The following MICU3 variants were observed in gnomAD, a reference collection of about 807,000 sequenced individuals.
MICU3 encodes mitochondrial calcium uptake 3.
MICU3 carries 62 observed loss-of-function variants against 66.5 expected under a neutral mutation model. The observed-to-expected ratio is 0.93, with a 90% CI of 0.76 to 1.15. MICU3 has a LOEUF of 1.15. Among genes scored for constraint, MICU3 ranks in the 50% most tolerant of loss-of-function variants. The pLI is 0.00. For synonymous variants in MICU3, 308 were observed against 240.7 expected (o/e 1.28, Z -2.59); for missense variants, 779 against 664.4 (o/e 1.17, Z -1.90).
chr8:17,099,003 G>A (rs1460403757), intron 9 of MICU3, among the ~76,000 whole-genome samples: 2 of 151,608 alleles, frequency 1.3e-5, no homozygotes, highest in African/African-American at 4.8e-5. Flanking sequence ...AGTCAAGGAA[G>A]GGAGGAATAT....
rs76581847 is a variant in MICU3 at position 17,089,751 on chromosome 8, A to G, written c.850-795A>G. Among the ~76,000 whole-genome samples, 480 of 152,108 alleles carry G rather than the reference A, an allele frequency of 3.2e-3. 25 individuals are homozygous for G. In the South Asian group the frequency reaches 0.047, roughly 15 times the overall value. ...GGAGTAATGACCACATGTGATTGGT[A>G]TGGAGGTTAAAGCACATAGCTACTT... On this transcript the variant is annotated intron_variant, in intron 7 of 14. Coordinates refer to ENST00000318063, the MANE Select transcript of MICU3 (RefSeq NM_181723.3).
Position 17,118,766 on chromosome 8 carries a change from C to T in MICU3, c.1584C>T (p.His528=). 1.2e-6 allele frequency: 2 copies of T among 1,607,050 alleles called. No homozygotes were observed. Among genetic ancestry groups the T allele is most frequent in the Non-Finnish European group, 8.5e-7 (1 of 1,173,994 alleles). The change falls in exon 14 of 15, where the codon CAC becomes CAT. Residue 528 remains histidine (H), a synonymous_variant. Transcript: ENST00000318063. The stretch of plus-strand genomic sequence containing the variant: ...AATCCTGCCTGAAGAAAGAACTTCA[C>T]AGCAGATAAGTATGTTAGCTTCTAT... ...TFKSCLKKEL[H]SR is the part of the protein sequence containing the mutation.
downstream of MICU3, among the ~76,000 whole-genome samples, chr8:17,124,945 C>T (rs183055962): frequency 6.6e-6 from 1 of 151,956 alleles, no homozygotes; most frequent in Admixed American, 6.6e-5. Flanking sequence ...AATTAATGTA[C>T]CTTGATAAAA....
At chr8:17,110,307 T>A (rs879912655) in intron 11 of MICU3, among the ~76,000 whole-genome samples, 10 of 152,166 alleles carry the variant, frequency 6.6e-5, no homozygotes, top group Non-Finnish European at 1.5e-4. Context: ...ACTGAATAAT[T>A]CAGTGAGATT....
At chr8:17,137,523 A>T in the MICU3 span, among the ~76,000 whole-genome samples, 1,264 of 68,644 alleles carry the variant, frequency 0.018, 6 homozygotes, top group Middle Eastern at 0.03. Context: ...CTTTTTTTTA[A>T]AAAAAAAAAA....
At chr8:17,114,578 G>C (rs1662420660) in intron 12 of MICU3, among the ~76,000 whole-genome samples, 1 of 152,164 alleles carries the variant, frequency 6.6e-6, no homozygotes, top group Admixed American at 6.5e-5. Context: ...TTGAGTATCA[G>C]TTTTGCATAA....
chr8:17,029,202 G>A (rs765502551), intron 1 of MICU3, among the ~76,000 whole-genome samples: 3 of 152,206 alleles, frequency 2.0e-5, no homozygotes, highest in East Asian at 1.9e-4. Context: ...TTGGCTGAGC[G>A]TGGTGGCTCA....
intron 1 of MICU3, among the ~76,000 whole-genome samples, chr8:17,028,253 C>T (rs1333674408): frequency 6.6e-6 from 1 of 152,110 alleles, no homozygotes; most frequent in South Asian, 2.1e-4. Context: ...CTCTCTTTTT[C>T]CTTCCCCCAC....
At chr8:17,135,245 C>T in the MICU3 span, among the ~76,000 whole-genome samples, 2 of 152,012 alleles carry the variant, frequency 1.3e-5, no homozygotes, top group East Asian at 3.9e-4. Context: ...CTAGAAATAC[C>T]AAAATTAGCC....
At chr8:17,090,520 A>T in intron 7 of MICU3, 26 bp from the exon 8 acceptor site, 1 of 1,604,520 alleles carries the variant, frequency 6.2e-7, no homozygotes, top group Non-Finnish European at 8.5e-7. Context: ...ATGACACTTC[A>T]TTTGGCCCTT....
At chr8:17,091,742 C>T (rs531134768) in intron 8 of MICU3, among the ~76,000 whole-genome samples, 24 of 152,018 alleles carry the variant, frequency 1.6e-4, no homozygotes, top group Non-Finnish European at 3.2e-4. Flanking sequence ...TTAAGTAAAG[C>T]CTGTCATTTC....
intron 4 of MICU3, among the ~76,000 whole-genome samples, chr8:17,079,569 G>A (rs1820868420): frequency 1.3e-5 from 2 of 151,726 alleles, no homozygotes; most frequent in Admixed American, 1.3e-4. Flanking sequence ...TTGAGTCAGG[G>A]TCTCATTTTG....
chr8:17,048,372 G>A (rs1243769476), intron 1 of MICU3, among the ~76,000 whole-genome samples: 1 of 152,116 alleles, frequency 6.6e-6, no homozygotes, highest in South Asian at 2.1e-4. Context: ...AGAAGGCAAA[G>A]GAGTAGCAAA....
intron 10 of MICU3, among the ~76,000 whole-genome samples, chr8:17,104,994 CAAAA>C (rs746149322): frequency 2.3e-4 from 2 of 8,724 alleles, no homozygotes; most frequent in Non-Finnish European, 1.6e-4. Flanking sequence ...GACTCCGTCT[CAAAA>C]AAAAAAAAAA....
intron 5 of MICU3, among the ~76,000 whole-genome samples, chr8:17,082,310 G>A (rs1821308160): frequency 6.6e-6 from 1 of 152,024 alleles, no homozygotes; most frequent in Non-Finnish European, 1.5e-5. Context: ...TCAGGGATTT[G>A]TACCTTCTGC....
At chr8:17,049,336 C>G (rs1233130973) in intron 1 of MICU3, among the ~76,000 whole-genome samples, 2 of 152,086 alleles carry the variant, frequency 1.3e-5, no homozygotes, top group Non-Finnish European at 2.9e-5. Context: ...TATAGTGCCA[C>G]AGAGGTTCTA....
intron 11 of MICU3, among the ~76,000 whole-genome samples, chr8:17,111,073 G>GT (rs1399870425): frequency 2.6e-5 from 4 of 152,046 alleles, no homozygotes; most frequent in Non-Finnish European, 5.9e-5. Flanking sequence ...TGTACATGTA[G>GT]TTTTGATTTG....
chr8:17,042,573 G>A (rs906970602), intron 1 of MICU3, among the ~76,000 whole-genome samples: 5 of 152,172 alleles, frequency 3.3e-5, no homozygotes, highest in Admixed American at 3.3e-4. Context: ...AGTAAAATAT[G>A]GAACTTCAGT....
chr8:17,054,106 T>C (rs1816528366), intron 1 of MICU3, among the ~76,000 whole-genome samples: 1 of 152,212 alleles, frequency 6.6e-6, no homozygotes, highest in Non-Finnish European at 1.5e-5. Flanking sequence ...TTGCCACATC[T>C]AAAAATACTG....
Sources: allele counts gnomAD v4.1 joint callset (sites outside exome capture counted in the v4.1 genomes callset), GRCh38; gene constraint gnomAD v4.1.1; transcripts MANE v1.5; gene names NCBI Gene and HGNC (gene_info 2026-07-23, HGNC 2026-07-21).